The following CNTLN variants were observed in gnomAD, a reference collection of about 807,000 sequenced individuals.
The protein encoded by CNTLN is centlein.
A neutral mutation model predicts 180.0 loss-of-function variants in CNTLN; 212 were observed. The ratio of observed to expected loss-of-function variants is 1.18; its 90% CI spans 1.05 to 1.32. The LOEUF (loss-of-function observed/expected upper bound fraction) is 1.32, where lower values mean the gene tolerates loss of function less well. CNTLN is among the 40% of genes most tolerant of loss of function. The pLI, the probability that CNTLN is intolerant of heterozygous loss-of-function variation, is 0.00. For synonymous variants in CNTLN, 722 were observed against 563.1 expected (o/e 1.28, Z -3.99); for missense variants, 2,095 against 1,610.9 (o/e 1.30, Z -5.14).
At chr9:17,430,988 G>C (rs1829383700) in intron 18 of CNTLN, among the ~76,000 whole-genome samples, 1 of 152,058 alleles carries the variant, frequency 6.6e-6, no homozygotes, top group Non-Finnish European at 1.5e-5. Context: ...TGTCTTGGCT[G>C]TTGTGAATAA....
chr9:17,347,520 T>TGGG (rs1821995550), intron 12 of CNTLN, among the ~76,000 whole-genome samples: 1 of 151,848 alleles, frequency 6.6e-6, no homozygotes, highest in Non-Finnish European at 1.5e-5. Flanking sequence ...AATACAAAGA[T>TGGG]TAGCCAGGTG....
chr9:17,203,150 G>A (rs1650023355), intron 2 of CNTLN, among the ~76,000 whole-genome samples: 1 of 152,186 alleles, frequency 6.6e-6, no homozygotes, highest in Non-Finnish European at 1.5e-5. Flanking sequence ...CTTTAAGAAT[G>A]TTGAATATTG....
Position 17,442,021 on chromosome 9 carries a change from C to T in CNTLN, c.3115-15503C>T, listed in dbSNP as rs149082262. On this transcript the variant is annotated intron_variant, in intron 18 of 25. Transcript: ENST00000380647. Reference sequence around the variant, plus strand: ...ATTTATGTGGCAAACCTCAGAACTCCTGTATGTATAGGAAGGAAACTTTGA... The same window carrying T: ...ATTTATGTGGCAAACCTCAGAACTCTTGTATGTATAGGAAGGAAACTTTGA... Among the ~76,000 whole-genome samples the T allele has an allele frequency of 7.9e-3, 1,205 of 152,160 alleles. 12 individuals are homozygous for T. The highest frequency in any genetic ancestry group is 0.012 in the Non-Finnish European group (814 of 67,998).
At chr9:17,266,215 T>G (rs1020182332) in intron 5 of CNTLN, among the ~76,000 whole-genome samples, 1 of 152,096 alleles carries the variant, frequency 6.6e-6, no homozygotes, top group Non-Finnish European at 1.5e-5. Context: ...TTGAATGTGT[T>G]CCAGAGATTC....
intron 6 of CNTLN, 115 bp downstream of exon 6, chr9:17,273,981 A>T: frequency 1.2e-6 from 1 of 856,392 alleles, no homozygotes; most frequent in Middle Eastern, 2.9e-4. Flanking sequence ...TTCTGTGGTT[A>T]TATATGTTTG....
chr9:17,353,285 A>AAT (rs1822528302), intron 12 of CNTLN, among the ~76,000 whole-genome samples: 1 of 82,098 alleles, frequency 1.2e-5, no homozygotes, highest in Non-Finnish European at 2.7e-5. Flanking sequence ...GAACTGCCAA[A>AAT]CTTTTTTTTT....
At chr9:17,156,978 T>C (rs193179851) in intron 2 of CNTLN, among the ~76,000 whole-genome samples, 217 of 152,344 alleles carry the variant, frequency 1.4e-3, no homozygotes, top group African/African-American at 5.0e-3. Context: ...AGAATTGATA[T>C]CACACTATGT....
the CNTLN span, among the ~76,000 whole-genome samples, chr9:17,528,545 G>T: frequency 6.6e-6 from 1 of 152,160 alleles, no homozygotes; most frequent in Non-Finnish European, 1.5e-5. Context: ...CATGTAATAT[G>T]GTATCTGGGT....
intron 12 of CNTLN, among the ~76,000 whole-genome samples, chr9:17,354,424 C>T (rs1822646086): frequency 6.6e-6 from 1 of 152,152 alleles, no homozygotes; most frequent in South Asian, 2.1e-4. Context: ...CCTTGGAGGA[C>T]CTTTATGTCT....
At chr9:17,487,359 C>G (rs931649891) in intron 25 of CNTLN, among the ~76,000 whole-genome samples, 9 of 152,104 alleles carry the variant, frequency 5.9e-5, no homozygotes, top group African/African-American at 2.2e-4. Context: ...TCTCCCAGAC[C>G]TCTTAGGAAA....
At position 17,396,280 on chromosome 9, in the gene CNTLN, C is replaced by T. The variant is rs557013460; in HGVS notation, c.2615+1211C>T. ...TTAAAAAACCTGCTTTCACTTTGCA[C>T]TGTGGACTCGCCCTGAATTCCTTCT... On this transcript the variant is annotated intron_variant, in intron 15 of 25. Coordinates refer to ENST00000380647, the MANE Select transcript of CNTLN (RefSeq NM_017738.4). Among the ~76,000 whole-genome samples, 41 of 152,322 alleles carry T rather than the reference C, an allele frequency of 2.7e-4. 1 individual carries two copies. Among genetic ancestry groups the T allele is most frequent in the African/African-American group, 9.1e-4 (38 of 41,580 alleles).
chr9:17,434,198 T>A (rs1351953931), intron 18 of CNTLN, among the ~76,000 whole-genome samples: 1 of 152,144 alleles, frequency 6.6e-6, no homozygotes, highest in African/African-American at 2.4e-5. Flanking sequence ...GCCAGCTTTT[T>A]GTTTCATTGA....
At chr9:17,272,390 C>A (rs1828016422) in intron 5 of CNTLN, among the ~76,000 whole-genome samples, 1 of 152,032 alleles carries the variant, frequency 6.6e-6, no homozygotes, top group Non-Finnish European at 1.5e-5. Context: ...ATGTTTATTT[C>A]TGATTGTTCA....
intron 15 of CNTLN, among the ~76,000 whole-genome samples, chr9:17,406,798 G>T (rs1166110675): frequency 6.6e-6 from 1 of 151,680 alleles, no homozygotes; most frequent in African/African-American, 2.4e-5. Context: ...AATGAATAAA[G>T]AATTATAAAG....
At chr9:17,486,890 A>G in intron 24 of CNTLN, 99 bp from the exon 25 acceptor site, 1 of 617,852 alleles carries the variant, frequency 1.6e-6, no homozygotes, top group Non-Finnish European at 2.8e-6. Context: ...TGTTGAATCT[A>G]ATTCTACTGA....
intron 8 of CNTLN, among the ~76,000 whole-genome samples, chr9:17,313,806 A>AT (rs991800685): frequency 9.9e-5 from 15 of 151,694 alleles, no homozygotes; most frequent in Middle Eastern, 3.4e-3. Flanking sequence ...GTAAATTTTT[A>AT]TTTTTTTTGA....
At chr9:17,158,149 A>ATTTTCT (rs1819427932) in intron 2 of CNTLN, among the ~76,000 whole-genome samples, 2 of 152,168 alleles carry the variant, frequency 1.3e-5, no homozygotes, top group Non-Finnish European at 2.9e-5. Flanking sequence ...CTGTCTATTG[A>ATTTTCT]GATGATCATG....
chr9:17,504,967 C>G (rs946991519), downstream of CNTLN, among the ~76,000 whole-genome samples: 2 of 152,038 alleles, frequency 1.3e-5, no homozygotes, highest in African/African-American at 4.8e-5. Flanking sequence ...TAGAATTTGC[C>G]AGAAATCTGT....
chr9:17,369,574 G>GA (rs1481700899), intron 13 of CNTLN, among the ~76,000 whole-genome samples: 1 of 151,412 alleles, frequency 6.6e-6, no homozygotes, highest in African/African-American at 2.4e-5. Flanking sequence ...CAAAGTGATT[G>GA]AAAAAATAAA....
Sources: gnomAD v4.1 joint callset for allele counts (sites outside exome capture counted in the v4.1 genomes callset) on GRCh38, gnomAD v4.1.1 for gene constraint, MANE v1.5 for transcripts, NCBI Gene and HGNC (gene_info 2026-07-23, HGNC 2026-07-21) for gene names.